The following PDLIM5 variants were observed in gnomAD, a reference collection of about 807,000 sequenced individuals.
PDLIM5 encodes the protein PDZ and LIM domain protein 5.
In PDLIM5, 34 loss-of-function variants were observed where a neutral mutation model predicts 64.2. The observed-to-expected ratio is 0.53, with a 90% CI of 0.40 to 0.71. The LOEUF is 0.71. PDLIM5 is among the 30% of genes least tolerant of loss of function. The pLI, the probability that PDLIM5 is intolerant of heterozygous loss-of-function variation, is 0.00. For missense variants in PDLIM5, 683 were observed against 733.6 expected (o/e 0.93, Z 0.80); for synonymous variants, 253 against 269.1 (o/e 0.94, Z 0.59).
intron 4 of PDLIM5, among the ~76,000 whole-genome samples, chr4:94,574,942 A>G (rs540382678): frequency 1.3e-5 from 2 of 151,808 alleles, no homozygotes; most frequent in Admixed American, 6.6e-5. Context: ...AGAGAGAGAA[A>G]TGGAGGTGGA....
intron 2 of PDLIM5, among the ~76,000 whole-genome samples, chr4:94,471,539 A>G (rs1347805508): frequency 6.6e-6 from 1 of 152,166 alleles, no homozygotes; most frequent in Non-Finnish European, 1.5e-5. Context: ...TTCTCCCAAC[A>G]TAATACTTTA....
At chr4:94,581,374 AT>A (rs1735719483) in intron 5 of PDLIM5, among the ~76,000 whole-genome samples, 2 of 152,118 alleles carry the variant, frequency 1.3e-5, no homozygotes, top group Non-Finnish European at 2.9e-5. Flanking sequence ...AATATAAAAC[AT>A]TTTTCCTAAA....
chr4:94,497,480 A>T (rs774991), intron 2 of PDLIM5, among the ~76,000 whole-genome samples: 63,810 of 152,024 alleles, frequency 0.42, 15,842 homozygotes, highest in South Asian at 0.72. Flanking sequence ...ATAAAACATG[A>T]TATGATTATT....
At chr4:94,470,968 C>T (rs550683248) in intron 2 of PDLIM5, among the ~76,000 whole-genome samples, 20 of 152,150 alleles carry the variant, frequency 1.3e-4, no homozygotes, top group Admixed American at 2.6e-4. Context: ...TCTTACATGG[C>T]GACAGTCAAG....
At chr4:94,485,340 C>T (rs577090254) in intron 2 of PDLIM5, among the ~76,000 whole-genome samples, 9 of 152,202 alleles carry the variant, frequency 5.9e-5, no homozygotes, top group South Asian at 4.2e-4. Context: ...GTGTTAGCAC[C>T]GTAGGATTCT....
intron 3 of PDLIM5, among the ~76,000 whole-genome samples, chr4:94,525,438 T>TTA (rs139368838): frequency 2.7e-5 from 4 of 150,812 alleles, no homozygotes; most frequent in African/African-American, 9.7e-5. Flanking sequence ...AAAAAAATAT[T>TTA]AAAAAAAAAG....
At position 94,608,029 on chromosome 4, in the gene PDLIM5, G is replaced by A. The variant is rs1385139779; in HGVS notation, c.921-9975G>A. 7.4e-6 allele frequency: 11 copies of A among 1,477,990 alleles called. No individual in the cohort carries two copies. The Admixed American group carries it at 1.8e-4, about 25-fold the overall frequency. The allele number at this position is 1,477,990 out of a possible 1,614,324, so 91.6% of individuals were successfully genotyped here. A position where few individuals can be genotyped will look rare whatever the true frequency, so the allele number is the denominator to read the frequency against. On this transcript the variant is annotated intron_variant, in intron 7 of 12. Coordinates refer to ENST00000317968, the MANE Select transcript of PDLIM5 (RefSeq NM_006457.5). The stretch of plus-strand genomic sequence containing the variant: ...TGTACTTTTCATTAATATTTCCTTT[G>A]CCTTATATATTTTACTTCTGAAAAC...
chr4:94,659,763 C>T (rs962143706), intron 11 of PDLIM5, among the ~76,000 whole-genome samples: 6 of 151,660 alleles, frequency 4.0e-5, no homozygotes, highest in East Asian at 1.9e-4. Context: ...CTCCTGACCT[C>T]GTGATCCGTC....
intron 9 of PDLIM5, among the ~76,000 whole-genome samples, chr4:94,644,124 TA>T (rs1741216383): frequency 6.6e-6 from 1 of 151,604 alleles, no homozygotes; most frequent in South Asian, 2.1e-4. Context: ...AGATAATAGT[TA>T]AAGTTAAATG....
At chr4:94,541,324 A>G (rs926248320) in intron 3 of PDLIM5, among the ~76,000 whole-genome samples, 4 of 152,252 alleles carry the variant, frequency 2.6e-5, no homozygotes, top group Admixed American at 6.5e-5. Flanking sequence ...GGCTTTCAGT[A>G]GTATGCCCTG....
intron 2 of PDLIM5, among the ~76,000 whole-genome samples, chr4:94,489,745 G>C (rs1726688509): frequency 6.6e-6 from 1 of 151,834 alleles, no homozygotes; most frequent in Admixed American, 6.6e-5. Flanking sequence ...GGGCAACATA[G>C]GGAAGGCCCC....
At chr4:94,579,487 G>C (rs1357074896) in intron 5 of PDLIM5, 1 of 1,159,216 alleles carries the variant, frequency 8.6e-7, no homozygotes, top group Non-Finnish European at 1.2e-6. Context: ...AAATGATGTG[G>C]TAGTAATATT....
At chr4:94,532,481 T>G (rs1257565505) in intron 3 of PDLIM5, among the ~76,000 whole-genome samples, 1 of 152,198 alleles carries the variant, frequency 6.6e-6, no homozygotes, top group African/African-American at 2.4e-5. Flanking sequence ...ATTAGTCAGC[T>G]GCTTAATCCA....
chr4:94,645,192 A>G (rs2110469286), intron 9 of PDLIM5, among the ~76,000 whole-genome samples: 1 of 152,318 alleles, frequency 6.6e-6, no homozygotes, highest in Middle Eastern at 3.4e-3. Context: ...TTCCTGAGTT[A>G]CTTCACTTAG....
At chr4:94,525,941 T>A (rs951744911) in intron 3 of PDLIM5, among the ~76,000 whole-genome samples, 7 of 152,204 alleles carry the variant, frequency 4.6e-5, no homozygotes, top group Admixed American at 6.6e-5. Flanking sequence ...ATGAAAGTTG[T>A]TACTAATCAC....
At position 94,566,013 on chromosome 4, in the gene PDLIM5, T is replaced by C. The variant is rs572891569; in HGVS notation, c.249-7338T>C. On this transcript the variant is annotated intron_variant, in intron 3 of 12. Transcript: ENST00000317968. Reference sequence around the variant, plus strand: ...CTATAAACATGTCATTGAAAATGAATAGCTGTTTGTTAATAGAAAGTAGTT... The same window carrying C: ...CTATAAACATGTCATTGAAAATGAACAGCTGTTTGTTAATAGAAAGTAGTT... 7.2e-5 allele frequency among the ~76,000 whole-genome samples: 11 copies of C among 152,288 alleles called. 1 individual carries two copies. In the East Asian group the frequency reaches 2.1e-3, roughly 29 times the overall value.
In PDLIM5 at chr4:94,493,907, A is replaced by C. The variant is rs141759714; in HGVS notation, c.97-29817A>C. ...ACTCCAGACTACTTTCATATCTTGC[A>C]GGTTGGTGTAATTTTTCTCTCCCTC... On this transcript the variant is annotated intron_variant, in intron 2 of 12. Coordinates refer to ENST00000317968, the MANE Select transcript of PDLIM5 (RefSeq NM_006457.5). 8.7e-3 allele frequency among the ~76,000 whole-genome samples: 1,327 copies of C among 152,150 alleles called. 9 individuals carry two copies. Among genetic ancestry groups the C allele is most frequent in the Non-Finnish European group, 0.014 (960 of 67,998 alleles).
At chr4:94,569,048 C>T (rs925701618) in intron 3 of PDLIM5, among the ~76,000 whole-genome samples, 1 of 152,046 alleles carries the variant, frequency 6.6e-6, no homozygotes, top group Non-Finnish European at 1.5e-5. Flanking sequence ...TTCCATGACA[C>T]GATTCTATAT....
chr4:94,521,422 A>G (rs1729816018), intron 2 of PDLIM5, among the ~76,000 whole-genome samples: 2 of 152,248 alleles, frequency 1.3e-5, no homozygotes, highest in Non-Finnish European at 1.5e-5. Flanking sequence ...TGGACAGATC[A>G]CATTTACATT....
Sources: allele counts gnomAD v4.1 joint callset (sites outside exome capture counted in the v4.1 genomes callset), GRCh38; gene constraint gnomAD v4.1.1; transcripts MANE v1.5; gene names NCBI Gene and HGNC (gene_info 2026-07-23, HGNC 2026-07-21).